Variants in LYN observed in about 807,000 individuals in gnomAD.
LYN encodes the protein LYN proto-oncogene, Src family tyrosine kinase.
A neutral mutation model predicts 65.0 loss-of-function variants in LYN; 12 were observed. The ratio of observed to expected loss-of-function variants is 0.18; its 90% CI spans 0.12 to 0.30. The LOEUF is 0.30. Among genes scored for constraint, LYN ranks in the 10% least tolerant of loss-of-function variants. The probability of loss-of-function intolerance (pLI) is 1.00; values close to 1 mark genes in which losing one functional copy is unlikely to be tolerated. For missense variants in LYN, 380 were observed against 623.2 expected, an observed-to-expected ratio of 0.61 and a Z score of 4.16; for synonymous variants, 222 against 221.2, an observed-to-expected ratio of 1.00 and a Z score of -0.03.
intron 1 of LYN, among the ~76,000 whole-genome samples, chr8:55,919,022 C>CAAAAAA (rs35663372): frequency 1.1e-4 from 7 of 62,722 alleles, no homozygotes; most frequent in Admixed American, 2.0e-4. Flanking sequence ...CCTGTCTCTA[C>CAAAAAA]AAAAAAAAAA....
At chr8:55,883,729 T>C (rs1804709960) in intron 1 of LYN, among the ~76,000 whole-genome samples, 1 of 152,228 alleles carries the variant, frequency 6.6e-6, no homozygotes, top group South Asian at 2.1e-4. Flanking sequence ...AGGACGCACA[T>C]TAAAACACCT....
chr8:55,927,663 T>A (rs772219074), intron 1 of LYN, among the ~76,000 whole-genome samples: 7 of 151,940 alleles, frequency 4.6e-5, no homozygotes, highest in Admixed American at 2.6e-4. Flanking sequence ...GGTGAAACCC[T>A]GTCTCTATTA....
At chr8:55,939,100 A>T (rs1806522944) in intron 1 of LYN, among the ~76,000 whole-genome samples, 1 of 152,190 alleles carries the variant, frequency 6.6e-6, no homozygotes, top group Non-Finnish European at 1.5e-5. Flanking sequence ...TATTTTCTAC[A>T]TTTCTGGTAC....
chr8:55,928,412 C>A (rs868555804), intron 1 of LYN, among the ~76,000 whole-genome samples: 6 of 152,208 alleles, frequency 3.9e-5, no homozygotes, highest in African/African-American at 1.4e-4. Context: ...TCCCAAAGTG[C>A]TGGGATTACA....
intron 2 of LYN, among the ~76,000 whole-genome samples, chr8:55,943,122 G>A (rs556851290): frequency 4.7e-4 from 71 of 152,156 alleles, no homozygotes; most frequent in Non-Finnish European, 8.5e-4. Context: ...CACATTTTAT[G>A]GAAAGGAAGA....
intron 2 of LYN, 116 bp downstream of exon 2, chr8:55,942,107 T>C: frequency 1.9e-6 from 2 of 1,056,232 alleles, no homozygotes; most frequent in Non-Finnish European, 2.7e-6. Flanking sequence ...TACTTGGTCC[T>C]CAAATAATTT....
At chr8:55,928,950 A>C (rs1009368220) in intron 1 of LYN, among the ~76,000 whole-genome samples, 3 of 152,070 alleles carry the variant, frequency 2.0e-5, no homozygotes, top group Non-Finnish European at 4.4e-5. Context: ...TGATTTTTGT[A>C]ATAGATGTAA....
chr8:55,923,986 CACA>C (rs1806021558), intron 1 of LYN, among the ~76,000 whole-genome samples: 1 of 151,960 alleles, frequency 6.6e-6, no homozygotes, highest in Admixed American at 6.6e-5. Context: ...CACCCTGCCG[CACA>C]ACTTCTCCAA....
intron 4 of LYN, 63 bp downstream of exon 4, chr8:55,947,786 TC>T (rs1454180062): frequency 8.8e-7 from 1 of 1,130,542 alleles, no homozygotes; most frequent in African/African-American, 1.5e-5. Flanking sequence ...CTGCAGGCTG[TC>T]CCCTTGTCTT....
chr8:55,897,868 G>A (rs564808497), intron 1 of LYN, among the ~76,000 whole-genome samples: 31 of 152,168 alleles, frequency 2.0e-4, no homozygotes, highest in African/African-American at 7.0e-4. Context: ...AGTCGAGATC[G>A]CGCCACTGTA....
rs1268509107 is a variant in LYN at position 56,012,733 on chromosome 8, A to T, written c.*2623A>T. 6.5e-6 allele frequency: 1 copy of T among 152,764 alleles called. No homozygotes were observed. The highest frequency in any genetic ancestry group is 1.5e-5 in the Non-Finnish European group (1 of 68,580). 9.5% of individuals were successfully genotyped at this position (152,764 alleles called of 1,614,324 possible). A position where few individuals can be genotyped will look rare whatever the true frequency, so the allele number is the denominator to read the frequency against. Reference sequence around the variant, plus strand: ...CCCTGTCTCAAAAAAAAAAACCAAAAAAACAAAAAAACCCTTCCCTGGTGA... The same window carrying T: ...CCCTGTCTCAAAAAAAAAAACCAAATAAACAAAAAAACCCTTCCCTGGTGA... On this transcript the variant is annotated 3_prime_UTR_variant, in exon 13 of 13. Coordinates refer to ENST00000519728, the MANE Select transcript of LYN (RefSeq NM_002350.4).
intron 8 of LYN, among the ~76,000 whole-genome samples, chr8:55,954,514 G>C (rs998528654): frequency 2.0e-5 from 3 of 152,156 alleles, no homozygotes; most frequent in Non-Finnish European, 4.4e-5. Flanking sequence ...TTTTCCAGGG[G>C]ATTCTTTTCA....
chr8:55,886,505 C>A (rs770618069), intron 1 of LYN, among the ~76,000 whole-genome samples: 16 of 152,218 alleles, frequency 1.1e-4, no homozygotes, highest in Non-Finnish European at 2.1e-4. Flanking sequence ...GCCTCGGCCT[C>A]CCAAAGTGCT....
chr8:55,958,512 A>G (rs1157921522), intron 8 of LYN, among the ~76,000 whole-genome samples: 1 of 152,240 alleles, frequency 6.6e-6, no homozygotes, highest in Non-Finnish European at 1.5e-5. Flanking sequence ...AGCGATGTTT[A>G]GGTGTACAGT....
At chr8:55,894,045 T>G (rs1805025117) in intron 1 of LYN, 1 of 152,178 alleles carries the variant, frequency 6.6e-6, no homozygotes, top group Non-Finnish European at 1.5e-5. Flanking sequence ...TGGGTTCATC[T>G]TTCTGTGGGA....
chr8:55,947,185 G>T (rs1806804633), intron 3 of LYN, among the ~76,000 whole-genome samples: 1 of 152,252 alleles, frequency 6.6e-6, no homozygotes, highest in Non-Finnish European at 1.5e-5. Flanking sequence ...GGAGGTGGAG[G>T]TTGCAGTGAG....
chr8:55,896,331 A>G (rs568403759), intron 1 of LYN, among the ~76,000 whole-genome samples: 8 of 152,330 alleles, frequency 5.3e-5, no homozygotes, highest in Admixed American at 3.3e-4. Context: ...AAGCAAGTTT[A>G]TAAATAAAGA....
At chr8:55,900,678 G>C (rs1398932932) in intron 1 of LYN, among the ~76,000 whole-genome samples, 3 of 151,838 alleles carry the variant, frequency 2.0e-5, no homozygotes, top group Admixed American at 1.3e-4. Context: ...ATTGTGCCCA[G>C]TTTAATTTTC....
chr8:55,910,619 T>A (rs780609334), intron 1 of LYN, among the ~76,000 whole-genome samples: 5 of 152,232 alleles, frequency 3.3e-5, no homozygotes, highest in Non-Finnish European at 7.3e-5. Context: ...AAGATTGCTT[T>A]GGTATTTGTG....
Sources: gnomAD v4.1 joint callset for allele counts (sites outside exome capture counted in the v4.1 genomes callset) on GRCh38, gnomAD v4.1.1 for gene constraint, MANE v1.5 for transcripts, NCBI Gene and HGNC (gene_info 2026-07-23, HGNC 2026-07-21) for gene names.